The following SHISA9 variants were observed in gnomAD, a reference collection of about 807,000 sequenced individuals.
SHISA9 encodes shisa family member 9.
A neutral mutation model predicts 38.0 loss-of-function variants in SHISA9; 13 were observed. The ratio of observed to expected loss-of-function variants is 0.34; its 90% CI spans 0.22 to 0.54. The LOEUF (loss-of-function observed/expected upper bound fraction) is 0.54, where lower values mean the gene tolerates loss of function less well. Among genes scored for constraint, SHISA9 ranks in the 20% least tolerant of loss-of-function variants. The pLI, the probability that SHISA9 is intolerant of heterozygous loss-of-function variation, is 0.91. For synonymous variants in SHISA9, 275 were observed against 242.0 expected (o/e 1.14, Z -1.27); for missense variants, 538 against 575.8 (o/e 0.93, Z 0.67).
the SHISA9 span, among the ~76,000 whole-genome samples, chr16:13,555,511 A>T: frequency 6.6e-6 from 1 of 152,234 alleles, no homozygotes; most frequent in African/African-American, 2.4e-5. Flanking sequence ...ACAATTTTGA[A>T]TGAACAAGCA....
the SHISA9 span, among the ~76,000 whole-genome samples, chr16:13,499,838 C>T: frequency 2.6e-5 from 4 of 152,210 alleles, no homozygotes; most frequent in East Asian, 1.9e-4. Flanking sequence ...TTTGTCCTTG[C>T]GCAGGGGCAG....
intron 2 of SHISA9, among the ~76,000 whole-genome samples, chr16:13,173,535 C>T (rs900259636): frequency 1.3e-5 from 2 of 149,970 alleles, no homozygotes; most frequent in African/African-American, 5.1e-5. Flanking sequence ...TCTAGATCAG[C>T]AGTTCTTAAC....
At chr16:13,443,563 A>G in the SHISA9 span, among the ~76,000 whole-genome samples, 63 of 152,318 alleles carry the variant, frequency 4.1e-4, no homozygotes, top group African/African-American at 1.5e-3. Context: ...TGTTTTCGTT[A>G]CTACGTGCTG....
At chr16:13,359,784 G>C in the SHISA9 span, among the ~76,000 whole-genome samples, 1 of 152,170 alleles carries the variant, frequency 6.6e-6, no homozygotes, top group South Asian at 2.1e-4. Flanking sequence ...CAGGTTCACT[G>C]TGCACGGGTT....
intron 2 of SHISA9, among the ~76,000 whole-genome samples, chr16:13,177,311 A>G (rs1292189429): frequency 6.6e-6 from 1 of 152,204 alleles, no homozygotes; most frequent in East Asian, 1.9e-4. Flanking sequence ...CATCCATAGC[A>G]ATACGAAGTT....
chr16:12,950,861 G>C (rs529401190), intron 2 of SHISA9, among the ~76,000 whole-genome samples: 4 of 151,564 alleles, frequency 2.6e-5, no homozygotes, highest in African/African-American at 9.7e-5. Context: ...ACCCACCTCA[G>C]CCTCCAAAAG....
At chr16:13,300,968 C>T in the SHISA9 span, among the ~76,000 whole-genome samples, 1 of 151,808 alleles carries the variant, frequency 6.6e-6, no homozygotes. Flanking sequence ...CTCTCTTTCA[C>T]TCTCCTGTGA....
At chr16:13,400,110 C>G in the SHISA9 span, among the ~76,000 whole-genome samples, 2 of 152,118 alleles carry the variant, frequency 1.3e-5, no homozygotes, top group Non-Finnish European at 2.9e-5. Flanking sequence ...TTGGCCCTCA[C>G]GTGAAGCAGG....
At chr16:13,486,011 C>T in the SHISA9 span, among the ~76,000 whole-genome samples, 1 of 152,284 alleles carries the variant, frequency 6.6e-6, no homozygotes, top group Non-Finnish European at 1.5e-5. Flanking sequence ...TTGTTTCACT[C>T]CCATACTGTC....
chr16:13,393,401 C>T, the SHISA9 span, among the ~76,000 whole-genome samples: 3 of 152,204 alleles, frequency 2.0e-5, no homozygotes, highest in South Asian at 2.1e-4. Context: ...TTCCCTCTTT[C>T]GATCAGATCC....
chr16:13,052,964 T>C (rs1019243905), intron 2 of SHISA9, among the ~76,000 whole-genome samples: 10 of 145,116 alleles, frequency 6.9e-5, no homozygotes, highest in South Asian at 2.3e-4. Context: ...CCTTTCTTTT[T>C]TTTTTTTTTT....
At chr16:13,339,698 A>G in the SHISA9 span, among the ~76,000 whole-genome samples, 14 of 152,322 alleles carry the variant, frequency 9.2e-5, no homozygotes, top group South Asian at 2.7e-3. Flanking sequence ...GTGTTTAACC[A>G]TCTGGACTTT....
At chr16:13,528,637 A>G in the SHISA9 span, among the ~76,000 whole-genome samples, 7,227 of 152,204 alleles carry the variant, frequency 0.047, 265 homozygotes, top group African/African-American at 0.1. Context: ...TTCTGGGTTT[A>G]AATTTTGGCT....
At chr16:12,941,806 G>A (rs945060665) in intron 2 of SHISA9, among the ~76,000 whole-genome samples, 2 of 152,136 alleles carry the variant, frequency 1.3e-5, no homozygotes, top group Non-Finnish European at 1.5e-5. Flanking sequence ...AGCTGAGATC[G>A]TGCCACTGGA....
intron 2 of SHISA9, among the ~76,000 whole-genome samples, chr16:13,021,110 C>G (rs1010677152): frequency 6.6e-6 from 1 of 152,164 alleles, no homozygotes; most frequent in Non-Finnish European, 1.5e-5. Context: ...CTATATGGTC[C>G]TGCTGTCTCC....
chr16:12,967,518 C>T (rs1567355544), intron 2 of SHISA9, among the ~76,000 whole-genome samples: 1 of 151,712 alleles, frequency 6.6e-6, no homozygotes, highest in Non-Finnish European at 1.5e-5. Flanking sequence ...ATGTAACAAA[C>T]CTGCACGTTG....
chr16:13,128,517 A>G (rs2050280007), intron 2 of SHISA9, among the ~76,000 whole-genome samples: 1 of 152,104 alleles, frequency 6.6e-6, no homozygotes, highest in Admixed American at 6.5e-5. Flanking sequence ...AGACAATAAT[A>G]ATACCTACCA....
At chr16:13,333,106 G>T in the SHISA9 span, among the ~76,000 whole-genome samples, 1 of 152,334 alleles carries the variant, frequency 6.6e-6, no homozygotes, top group South Asian at 2.1e-4. Flanking sequence ...AAAGGGAATG[G>T]TTCTCTCCAG....
At chr16:13,377,511 A>C in the SHISA9 span, among the ~76,000 whole-genome samples, 1 of 152,210 alleles carries the variant, frequency 6.6e-6, no homozygotes, top group Non-Finnish European at 1.5e-5. Context: ...AGCAGAGAGC[A>C]AAGCTAGGAC....
Sources: gnomAD v4.1 joint callset for allele counts (sites outside exome capture counted in the v4.1 genomes callset) on GRCh38, gnomAD v4.1.1 for gene constraint, MANE v1.5 for transcripts, NCBI Gene and HGNC (gene_info 2026-07-23, HGNC 2026-07-21) for gene names.